The following THSD7B variants were observed in gnomAD, a reference collection of about 807,000 sequenced individuals.
THSD7B encodes thrombospondin type 1 domain containing 7B.
A neutral mutation model predicts 213.6 loss-of-function variants in THSD7B; 138 were observed. The ratio of observed to expected loss-of-function variants is 0.65; its 90% CI spans 0.56 to 0.74. The LOEUF is 0.74. THSD7B is among the 30% of genes least tolerant of loss of function. THSD7B has a pLI of 0.00. For missense variants in THSD7B, 1,931 were observed against 1,991.5 expected, an observed-to-expected ratio of 0.97 and a Z score of 0.58; for synonymous variants, 742 against 687.0, an observed-to-expected ratio of 1.08 and a Z score of -1.25.
In THSD7B at chr2:137,445,820, G is replaced by A. The variant is rs76629428; in HGVS notation, c.2960-5025G>A. 8.7e-3 allele frequency among the ~76,000 whole-genome samples: 1,325 copies of A among 151,834 alleles called. 29 individuals carry two copies. Among genetic ancestry groups the A allele is most frequent in the African/African-American group, 0.031 (1,283 of 41,450 alleles). ...TGGTGATGGATAGCCCAGTTACCCC[G>A]ATTTGATCATTACACATTGCATGCT... is the stretch of plus-strand genomic sequence containing the variant. On this transcript the variant is annotated intron_variant, in intron 14 of 27. Transcript: ENST00000409968.
At chr2:137,363,031 A>G (rs1007530715) in intron 12 of THSD7B, among the ~76,000 whole-genome samples, 1 of 152,154 alleles carries the variant, frequency 6.6e-6, no homozygotes, top group Non-Finnish European at 1.5e-5. Context: ...ATCACAACAA[A>G]CTGTCTCTCA....
chr2:136,944,768 T>C lies in THSD7B; in HGVS notation c.139+62451T>C, dbSNP rs191918967. On this transcript the variant is annotated intron_variant, in intron 2 of 27. Coordinates refer to ENST00000409968, the MANE Select transcript of THSD7B (RefSeq NM_001316349.2). ...TAGATCTTCCTCCATCTCTTTATTTTGAGCCTAGTGTTTCTTTGCATGTGA... is the reference window on the plus strand; with the variant it reads ...TAGATCTTCCTCCATCTCTTTATTTCGAGCCTAGTGTTTCTTTGCATGTGA... Among the ~76,000 whole-genome samples, 696 of 151,652 alleles carry C rather than the reference T, an allele frequency of 4.6e-3. 4 individuals are homozygous for C. The highest frequency in any genetic ancestry group is 0.016 in the African/African-American group (670 of 41,316).
intron 17 of THSD7B, among the ~76,000 whole-genome samples, chr2:137,578,374 AC>A (rs781721973): frequency 6.6e-6 from 1 of 152,240 alleles, no homozygotes; most frequent in Non-Finnish European, 1.5e-5. Flanking sequence ...ACAAAGAATG[AC>A]TTCTGAGAAT....
intron 17 of THSD7B, among the ~76,000 whole-genome samples, chr2:137,606,985 A>C (rs1179023921): frequency 2.6e-5 from 4 of 152,150 alleles, no homozygotes; most frequent in Non-Finnish European, 5.9e-5. Context: ...AGTTCACAAA[A>C]GATGCTCCCA....
intron 12 of THSD7B, among the ~76,000 whole-genome samples, chr2:137,383,680 C>T (rs1433537208): frequency 6.6e-6 from 1 of 152,142 alleles, no homozygotes; most frequent in Admixed American, 6.5e-5. Context: ...TGTATAATTA[C>T]CCTGCTAACA....
Position 137,572,653 on chromosome 2 carries a change from T to C in THSD7B, c.3423+97T>C, listed in dbSNP as rs529220878. On this transcript the variant is annotated intron_variant, in intron 17 of 27. Transcript: ENST00000409968. ...AGTGCTAGTCTCCAAAGCATTCTTCTAGTAACATGGGAAAATAATTTTTTT... is the reference window on the plus strand; with the variant it reads ...AGTGCTAGTCTCCAAAGCATTCTTCCAGTAACATGGGAAAATAATTTTTTT... 6 of 1,295,284 alleles carry C rather than the reference T, an allele frequency of 4.6e-6. No individual in the cohort carries two copies. In the African/African-American group the frequency reaches 7.4e-5, roughly 16 times the overall value. 80.2% of individuals were successfully genotyped at this position (1,295,284 alleles called of 1,614,324 possible). A position where few individuals can be genotyped will look rare whatever the true frequency, so the allele number is the denominator to read the frequency against.
At chr2:137,187,140 C>T (rs542705683) in intron 7 of THSD7B, among the ~76,000 whole-genome samples, 15 of 152,222 alleles carry the variant, frequency 9.9e-5, no homozygotes, top group Non-Finnish European at 1.9e-4. Context: ...CATTTGAAGT[C>T]GTTTTAGTGT....
intron 12 of THSD7B, among the ~76,000 whole-genome samples, chr2:137,404,474 T>TATACACAC (rs1306580538): frequency 5.0e-5 from 2 of 40,260 alleles, no homozygotes; most frequent in African/African-American, 2.7e-4. Flanking sequence ...TATATATATA[T>TATACACAC]ACACACACAC....
intron 1 of THSD7B, among the ~76,000 whole-genome samples, chr2:136,834,445 A>T (rs563949749): frequency 3.3e-5 from 5 of 152,328 alleles, no homozygotes; most frequent in Admixed American, 3.3e-4. Context: ...CCATATATCT[A>T]GGTAAAAGTG....
At chr2:136,887,452 G>A (rs1283388204) in intron 2 of THSD7B, among the ~76,000 whole-genome samples, 1 of 152,066 alleles carries the variant, frequency 6.6e-6, no homozygotes, top group East Asian at 1.9e-4. Context: ...GGGTCAGGTG[G>A]CAGGTGTTTG....
At chr2:137,482,823 A>G (rs1351309519) in intron 15 of THSD7B, among the ~76,000 whole-genome samples, 1 of 152,164 alleles carries the variant, frequency 6.6e-6, no homozygotes, top group Non-Finnish European at 1.5e-5. Flanking sequence ...AGCAACGAAA[A>G]GGACAGACAC....
chr2:136,875,105 G>T (rs1370500746), intron 1 of THSD7B, among the ~76,000 whole-genome samples: 1 of 152,154 alleles, frequency 6.6e-6, no homozygotes, highest in East Asian at 1.9e-4. Flanking sequence ...GTGGTTCAGT[G>T]GAGTAGGACA....
chr2:137,149,739 A>G (rs1679778061), intron 5 of THSD7B, among the ~76,000 whole-genome samples: 1 of 151,984 alleles, frequency 6.6e-6, no homozygotes, highest in Admixed American at 6.6e-5. Flanking sequence ...ATTTTGGCCA[A>G]TTTTTCCCAT....
At chr2:137,040,290 G>A (rs915082699) in intron 2 of THSD7B, among the ~76,000 whole-genome samples, 3 of 152,120 alleles carry the variant, frequency 2.0e-5, no homozygotes, top group Non-Finnish European at 1.5e-5. Context: ...AAGTATGAAA[G>A]CTTATTTTGA....
intron 12 of THSD7B, among the ~76,000 whole-genome samples, chr2:137,388,397 T>A (rs1048901353): frequency 6.6e-6 from 1 of 152,012 alleles, no homozygotes; most frequent in South Asian, 2.1e-4. Flanking sequence ...TTTATTGATA[T>A]ATAATTTCTG....
At chr2:137,005,559 T>G (rs530357329) in intron 2 of THSD7B, among the ~76,000 whole-genome samples, 1 of 152,332 alleles carries the variant, frequency 6.6e-6, no homozygotes, top group African/African-American at 2.4e-5. Flanking sequence ...CAGAAGTAAT[T>G]GTATACCTGT....
intron 3 of THSD7B, among the ~76,000 whole-genome samples, chr2:137,059,771 C>T (rs1354339491): frequency 6.6e-6 from 1 of 152,128 alleles, no homozygotes; most frequent in Non-Finnish European, 1.5e-5. Context: ...TGTTCATTCA[C>T]CTACTGAAGT....
intron 5 of THSD7B, among the ~76,000 whole-genome samples, chr2:137,119,317 T>C (rs1688503747): frequency 6.6e-6 from 1 of 152,228 alleles, no homozygotes; most frequent in African/African-American, 2.4e-5. Context: ...GTCTATGCAC[T>C]AAAGTACATC....
intron 1 of THSD7B, among the ~76,000 whole-genome samples, chr2:136,794,043 C>G (rs1682016266): frequency 6.6e-6 from 1 of 150,838 alleles, no homozygotes. Flanking sequence ...ATAATATTCT[C>G]TCATTATCTG....
Sources: allele counts gnomAD v4.1 joint callset (sites outside exome capture counted in the v4.1 genomes callset), GRCh38; gene constraint gnomAD v4.1.1; transcripts MANE v1.5; gene names NCBI Gene and HGNC (gene_info 2026-07-23, HGNC 2026-07-21).